The following PKN2 variants were observed in gnomAD, a reference collection of about 807,000 sequenced individuals.
PKN2 encodes protein kinase N2.
In PKN2, 38 loss-of-function variants were observed where a neutral mutation model predicts 119.1. The ratio of observed to expected loss-of-function variants is 0.32; its 90% CI spans 0.25 to 0.42. The LOEUF (loss-of-function observed/expected upper bound fraction) is 0.42. PKN2 is among the 10% of genes least tolerant of loss of function. The pLI is 1.00. For synonymous variants in PKN2, 390 were observed against 384.9 expected, an observed-to-expected ratio of 1.01 and a Z score of -0.15; for missense variants, 850 against 1,165.1, an observed-to-expected ratio of 0.73 and a Z score of 3.94.
intron 6 of PKN2, among the ~76,000 whole-genome samples, chr1:88,772,701 A>AT (rs1176886347): frequency 3.3e-5 from 5 of 152,156 alleles, no homozygotes; most frequent in Non-Finnish European, 5.9e-5. Context: ...TAGGAATATA[A>AT]TTGCTAGGTC....
chr1:88,686,206 C>T (rs948574910), intron 1 of PKN2, among the ~76,000 whole-genome samples: 1 of 152,014 alleles, frequency 6.6e-6, no homozygotes, highest in Non-Finnish European at 1.5e-5. Flanking sequence ...ATTGCCTGGT[C>T]TTGAACCATG....
chr1:88,796,444 A>T (rs538169578), intron 8 of PKN2, among the ~76,000 whole-genome samples: 1 of 152,178 alleles, frequency 6.6e-6, no homozygotes, highest in Non-Finnish European at 1.5e-5. Flanking sequence ...CTCATGACTT[A>T]TCTCTGCCCA....
rs1218711558 is a variant in PKN2 at position 88,813,466 on chromosome 1, G to A, written c.2103-91G>A. ...ATTTTTAAGTTATAGTTAAAATTTT[G>A]CTTATTTTTAAGTTTAGTAATTTAT... On this transcript the variant is annotated intron_variant, in intron 15 of 21. Coordinates refer to ENST00000370521, the MANE Select transcript of PKN2 (RefSeq NM_006256.4). The A allele has an allele frequency of 1.1e-5, 9 of 835,538 alleles. No homozygotes were observed. In the South Asian group the frequency reaches 1.3e-4, roughly 12 times the overall value. 51.8% of individuals were successfully genotyped at this position (835,538 alleles called of 1,614,324 possible). A position where few individuals can be genotyped will look rare whatever the true frequency, so the allele number is the denominator to read the frequency against.
intron 2 of PKN2, among the ~76,000 whole-genome samples, chr1:88,742,883 C>T (rs535981676): frequency 3.4e-4 from 52 of 152,234 alleles, no homozygotes; most frequent in Non-Finnish European, 6.0e-4. Context: ...TTTCCCCATT[C>T]GTTTTATAAA....
intron 15 of PKN2, among the ~76,000 whole-genome samples, chr1:88,813,290 A>G (rs796848605): frequency 1.3e-5 from 2 of 152,162 alleles, no homozygotes; most frequent in South Asian, 4.1e-4. Context: ...TAAAAAATCA[A>G]CTGTAACCAC....
chr1:88,751,829 A>T (rs1669012045), intron 2 of PKN2, among the ~76,000 whole-genome samples: 1 of 152,122 alleles, frequency 6.6e-6, no homozygotes, highest in Non-Finnish European at 1.5e-5. Flanking sequence ...TCCCCTTTAT[A>T]TACAATTCTA....
chr1:88,774,460 T>C (rs1670008883), intron 6 of PKN2, among the ~76,000 whole-genome samples: 1 of 152,160 alleles, frequency 6.6e-6, no homozygotes, highest in Non-Finnish European at 1.5e-5. Context: ...ATGAGTCACC[T>C]TACCAGGTGT....
chr1:88,786,535 A>C (rs150440746), intron 8 of PKN2, among the ~76,000 whole-genome samples: 1 of 152,184 alleles, frequency 6.6e-6, no homozygotes, highest in Non-Finnish European at 1.5e-5. Context: ...CTTCTGGCTC[A>C]CCATGTGTAG....
At position 88,807,334 on chromosome 1, in the gene PKN2, A is replaced by G; in HGVS notation, c.1825A>G (p.Ile609Val). The change falls in exon 13 of 22, where the codon ATT becomes GTT. Residue 609 changes from isoleucine (I) to valine (V), a missense_variant. Ile to Val is a conservative substitution (Grantham distance 29). Around this residue, in one of 9 missense-constraint regions of PKN2, gnomAD observed 216 missense variants for 252.8 expected, o/e 0.85. Coordinates refer to ENST00000370521, the MANE Select transcript of PKN2 (RefSeq NM_006256.4). ...ACAGGATTCAGAGACTGTTTTTGAT[A>G]TTCAGAATGACAGAAATAGTATACT... ...PGQDSETVFD[I>V]QNDRNSILPK... 1.3e-6 allele frequency: 2 copies of G among 1,576,418 alleles called. No individual in the cohort carries two copies. The highest frequency in any genetic ancestry group is 1.7e-6 in the Non-Finnish European group (2 of 1,153,700).
In PKN2 at chr1:88,834,256, T is replaced by A. The variant is rs1253011183; in HGVS notation, c.*808T>A. 6.6e-6 allele frequency: 1 copy of A among 152,182 alleles called. No individual in the cohort carries two copies. Among genetic ancestry groups the A allele is most frequent in the Admixed American group, 6.6e-5 (1 of 15,224 alleles). 9.4% of individuals were successfully genotyped at this position (152,182 alleles called of 1,614,324 possible). On this transcript the variant is annotated 3_prime_UTR_variant, in exon 22 of 22. Transcript: ENST00000370521. ...CCCAAAGTCTAGATGCTCAGTATGT[T>A]CAGTCATATCTTTCAGAATCAGTGA...
intron 1 of PKN2, among the ~76,000 whole-genome samples, chr1:88,699,521 C>G (rs1021115610): frequency 9.9e-5 from 15 of 152,112 alleles, no homozygotes; most frequent in Non-Finnish European, 2.9e-5. Flanking sequence ...ATCCCATCAC[C>G]TGGGTATTAA....
At chr1:88,711,752 A>G (rs909514600) in intron 1 of PKN2, among the ~76,000 whole-genome samples, 1 of 152,144 alleles carries the variant, frequency 6.6e-6, no homozygotes, top group Non-Finnish European at 1.5e-5. Context: ...GAGAGGTGAA[A>G]TCTCTGGAAG....
At chr1:88,794,212 A>G (rs929894418) in intron 8 of PKN2, among the ~76,000 whole-genome samples, 1 of 152,110 alleles carries the variant, frequency 6.6e-6, no homozygotes, top group African/African-American at 2.4e-5. Flanking sequence ...TACTAAAAAT[A>G]CAGAATTAGC....
rs781391742 is a variant in PKN2 at position 88,742,479 on chromosome 1, A to G, written c.349+1191A>G. 3.9e-5 allele frequency among the ~76,000 whole-genome samples: 6 copies of G among 152,186 alleles called. No homozygotes were observed. The South Asian group carries it at 1.0e-3, about 26-fold the overall frequency. Reference sequence around the variant, plus strand: ...TAATCGAAACTTTAAAATGAAAGAAATAATAGGAAATCCACCTTCTAATTT... The same window carrying G: ...TAATCGAAACTTTAAAATGAAAGAAGTAATAGGAAATCCACCTTCTAATTT... On this transcript the variant is annotated intron_variant, in intron 2 of 21. Transcript: ENST00000370521.
At chr1:88,773,743 C>T (rs1669982526) in intron 6 of PKN2, among the ~76,000 whole-genome samples, 1 of 152,104 alleles carries the variant, frequency 6.6e-6, no homozygotes, top group African/African-American at 2.4e-5. Flanking sequence ...TCCACCACTG[C>T]ACTCCAGCCT....
At chr1:88,776,510 C>T (rs1428546969) in intron 6 of PKN2, among the ~76,000 whole-genome samples, 1 of 151,768 alleles carries the variant, frequency 6.6e-6, no homozygotes, top group Non-Finnish European at 1.5e-5. Flanking sequence ...GAGGCCGAGA[C>T]GGGTGGATCA....
chr1:88,710,861 C>G (rs954057933), intron 1 of PKN2, among the ~76,000 whole-genome samples: 3 of 152,116 alleles, frequency 2.0e-5, no homozygotes, highest in Admixed American at 2.0e-4. Flanking sequence ...ATGTTCATTG[C>G]AGCACTGTTC....
chr1:88,746,706 G>C (rs1405030029), intron 2 of PKN2, among the ~76,000 whole-genome samples: 2 of 152,066 alleles, frequency 1.3e-5, no homozygotes, highest in Non-Finnish European at 2.9e-5. Flanking sequence ...GGAGGTTCCT[G>C]AGAAAACTAA....
At chr1:88,770,647 G>C (rs557888641) in intron 4 of PKN2, among the ~76,000 whole-genome samples, 178 bp downstream of exon 4, 1 of 149,804 alleles carries the variant, frequency 6.7e-6, no homozygotes. Flanking sequence ...GTGCAGTGGC[G>C]GGATCTCGGC....
Sources: gnomAD v4.1 joint callset for allele counts (sites outside exome capture counted in the v4.1 genomes callset) on GRCh38, gnomAD v4.1.1 for gene constraint, gnomAD v4.1.1 regional missense constraint, MANE v1.5 for transcripts, NCBI Gene and HGNC (gene_info 2026-07-23, HGNC 2026-07-21) for gene names.